The following DLG2 variants were observed in gnomAD, a reference collection of about 807,000 sequenced individuals.
DLG2 encodes disks large homolog 2.
In DLG2, 45 loss-of-function variants were observed where a neutral mutation model predicts 132.5. The ratio of observed to expected loss-of-function variants is 0.34; its 90% CI spans 0.27 to 0.44. The LOEUF (loss-of-function observed/expected upper bound fraction) is 0.44. Ranked by LOEUF, DLG2 falls within the 20% of genes least tolerant of loss-of-function variation. The pLI is 1.00. For synonymous variants in DLG2, 424 were observed against 419.6 expected, an observed-to-expected ratio of 1.01 and a Z score of -0.13; for missense variants, 1,045 against 1,196.9, an observed-to-expected ratio of 0.87 and a Z score of 1.87.
chr11:84,537,293 G>A (rs1183876102), intron 6 of DLG2, among the ~76,000 whole-genome samples: 3 of 151,880 alleles, frequency 2.0e-5, no homozygotes, highest in Non-Finnish European at 2.9e-5. Context: ...TTTTAGTAGA[G>A]CCGGGGTTTC....
chr11:85,389,668 A>C (rs188285712), intron 3 of DLG2, among the ~76,000 whole-genome samples: 1 of 152,324 alleles, frequency 6.6e-6, no homozygotes, highest in African/African-American at 2.4e-5. Flanking sequence ...TTCTTGGCAG[A>C]AACTCCATAA....
Position 84,332,858 on chromosome 11 carries a change from A to G in DLG2, c.520-81567T>C, listed in dbSNP as rs528624005. Reference sequence around the variant, plus strand: ...CATATCCTTCTCCACTGGTATGGTTACTGTGCCATGGCAGGCAGCCCCCCT... The same window carrying G: ...CATATCCTTCTCCACTGGTATGGTTGCTGTGCCATGGCAGGCAGCCCCCCT... On this transcript the variant is annotated intron_variant, in intron 7 of 27. Transcript: ENST00000376104. Among the ~76,000 whole-genome samples, 5 of 152,308 alleles carry G rather than the reference A, an allele frequency of 3.3e-5. No individual in the cohort carries two copies. In the South Asian group the frequency reaches 8.3e-4, roughly 25 times the overall value.
At chr11:84,404,318 C>T (rs191607247) in intron 7 of DLG2, among the ~76,000 whole-genome samples, 9 of 152,232 alleles carry the variant, frequency 5.9e-5, no homozygotes, top group African/African-American at 9.6e-5. Context: ...TTCCCATCTC[C>T]ACCTTTTCCT....
intron 4 of DLG2, among the ~76,000 whole-genome samples, chr11:85,204,657 C>T (rs2081733708): frequency 6.6e-6 from 1 of 151,958 alleles, no homozygotes. Context: ...ACATCAATGA[C>T]ATTCTTCACA....
chr11:83,958,165 A>G (rs2087411303), intron 14 of DLG2, among the ~76,000 whole-genome samples: 2 of 152,206 alleles, frequency 1.3e-5, no homozygotes, highest in Non-Finnish European at 2.9e-5. Context: ...AAATAACTGA[A>G]CGAAGGAGAA....
At chr11:83,726,192 T>C (rs1326645031) in intron 18 of DLG2, among the ~76,000 whole-genome samples, 1 of 152,206 alleles carries the variant, frequency 6.6e-6, no homozygotes, top group Non-Finnish European at 1.5e-5. Context: ...AATCTGCTCA[T>C]TGCTTGGAGA....
intron 7 of DLG2, among the ~76,000 whole-genome samples, chr11:84,527,335 T>C (rs1479399003): frequency 6.6e-6 from 1 of 152,190 alleles, no homozygotes; most frequent in Non-Finnish European, 1.5e-5. Flanking sequence ...CTGGCAACTC[T>C]AGTAAGAAAA....
rs1012342060 is a variant in DLG2, at chr11:85,626,576, T to A, written c.-93+11A>T. On this transcript the variant is annotated intron_variant, in intron 2 of 27. Coordinates refer to ENST00000376104, the MANE Select transcript of DLG2 (RefSeq NM_001142699.3). ...CAGAACCAACAAAAGGGAGAAATATTATATAGCAACCTTATGGCCCACCTG... is the reference window on the plus strand; with the variant it reads ...CAGAACCAACAAAAGGGAGAAATATAATATAGCAACCTTATGGCCCACCTG... The A allele has an allele frequency of 6.6e-6, 1 of 152,162 alleles. No individual in the cohort carries two copies. Among genetic ancestry groups the A allele is most frequent in the African/African-American group, 2.4e-5 (1 of 41,438 alleles). The allele number at this position is 152,162 out of a possible 1,614,324, so 9.4% of individuals were successfully genotyped here. A position where few individuals can be genotyped will look rare whatever the true frequency, so the allele number is the denominator to read the frequency against.
At chr11:84,797,090 G>A (rs1457027233) in intron 6 of DLG2, among the ~76,000 whole-genome samples, 5 of 152,026 alleles carry the variant, frequency 3.3e-5, no homozygotes, top group Non-Finnish European at 5.9e-5. Flanking sequence ...CAGGTGATCC[G>A]CCTGCCTCAG....
At chr11:84,268,522 C>T (rs1028197473) in intron 7 of DLG2, among the ~76,000 whole-genome samples, 7 of 148,492 alleles carry the variant, frequency 4.7e-5, no homozygotes, top group Admixed American at 2.0e-4. Context: ...AGTGCAGTGG[C>T]GCGATCTCGG....
intron 6 of DLG2, among the ~76,000 whole-genome samples, chr11:84,554,565 G>A (rs181593782): frequency 3.9e-4 from 59 of 152,188 alleles, no homozygotes; most frequent in Middle Eastern, 3.4e-3. Flanking sequence ...TGACCAACAT[G>A]GAGAAATCCC....
intron 16 of DLG2, among the ~76,000 whole-genome samples, chr11:83,873,823 T>G (rs927166526): frequency 3.9e-5 from 6 of 152,212 alleles, no homozygotes; most frequent in Admixed American, 6.5e-5. Context: ...GGAACCAACA[T>G]GACCTGCTCC....
chr11:85,006,068 T>C (rs2058633389), intron 6 of DLG2, among the ~76,000 whole-genome samples: 1 of 152,220 alleles, frequency 6.6e-6, no homozygotes, highest in African/African-American at 2.4e-5. Flanking sequence ...ATCCCAGGGA[T>C]GAAGCCAACT....
Position 85,446,345 on chromosome 11 carries a change from G to A in DLG2, c.40+152312C>T, listed in dbSNP as rs1172967042. 2.6e-5 allele frequency among the ~76,000 whole-genome samples: 4 copies of A among 152,124 alleles called. No homozygotes were observed. In the East Asian group the frequency reaches 7.7e-4, roughly 29 times the overall value. Reference sequence around the variant, plus strand: ...AACAGTGCCATTTGTTGCCATTGGAGGAAATGGTTTTGTTATAGATTTCTA... The same window carrying A: ...AACAGTGCCATTTGTTGCCATTGGAAGAAATGGTTTTGTTATAGATTTCTA... On this transcript the variant is annotated intron_variant, in intron 3 of 27. Transcript: ENST00000376104.
intron 4 of DLG2, among the ~76,000 whole-genome samples, chr11:85,266,981 C>T (rs2077251787): frequency 6.6e-6 from 1 of 152,186 alleles, no homozygotes; most frequent in African/African-American, 2.4e-5. Flanking sequence ...ATAATTCAAA[C>T]TCAGTGGACT....
At chr11:83,934,482 C>G (rs2081027643) in intron 14 of DLG2, among the ~76,000 whole-genome samples, 1 of 151,978 alleles carries the variant, frequency 6.6e-6, no homozygotes, top group Admixed American at 6.6e-5. Flanking sequence ...ATGAGTACCT[C>G]ACTCACCTCA....
chr11:84,045,437 C>G (rs1302334561), intron 11 of DLG2, among the ~76,000 whole-genome samples: 5 of 151,668 alleles, frequency 3.3e-5, no homozygotes, highest in Non-Finnish European at 7.4e-5. Context: ...GTGTATAAGT[C>G]TACAAATACA....
chr11:84,733,854 A>G (rs573109524), intron 6 of DLG2, among the ~76,000 whole-genome samples: 1 of 152,288 alleles, frequency 6.6e-6, no homozygotes, highest in South Asian at 2.1e-4. Context: ...CTTTCTACAT[A>G]TGGCTAGCCA....
chr11:83,723,481 T>C (rs905096522), intron 18 of DLG2, among the ~76,000 whole-genome samples: 2 of 152,218 alleles, frequency 1.3e-5, no homozygotes, highest in Non-Finnish European at 2.9e-5. Flanking sequence ...GTCAGATTCC[T>C]GCATCATAAT....
Sources: gnomAD v4.1 joint callset for allele counts (sites outside exome capture counted in the v4.1 genomes callset) on GRCh38, gnomAD v4.1.1 for gene constraint, MANE v1.5 for transcripts, NCBI Gene and HGNC (gene_info 2026-07-23, HGNC 2026-07-21) for gene names.